Variants in RXRA observed in about 807,000 individuals in gnomAD.
RXRA encodes the protein retinoic acid receptor RXR-alpha.
Under a neutral mutation model 44.5 loss-of-function variants are expected in RXRA, and 5 were observed. That is an observed-to-expected ratio of 0.11 (90% CI 0.06 to 0.24). The LOEUF (loss-of-function observed/expected upper bound fraction) is 0.24. Ranked by LOEUF, RXRA falls within the 10% of genes least tolerant of loss-of-function variation. The pLI, the probability that RXRA is intolerant of heterozygous loss-of-function variation, is 1.00. For missense variants in RXRA, 412 were observed against 646.5 expected (o/e 0.64, Z 3.93); for synonymous variants, 291 against 271.4 (o/e 1.07, Z -0.71).
At chr9:134,396,551 A>G (rs1047785603) in intron 1 of RXRA, among the ~76,000 whole-genome samples, 2 of 151,938 alleles carry the variant, frequency 1.3e-5, no homozygotes, top group African/African-American at 4.8e-5. Context: ...GGTTGCAGGG[A>G]CGTTGCAGGG....
At position 134,417,340 on chromosome 9, in the gene RXRA, C is replaced by T. The variant is rs913657448; in HGVS notation, c.780+13C>T. 3 of 1,612,368 alleles carry T rather than the reference C, an allele frequency of 1.9e-6. No individual in the cohort carries two copies. The highest frequency in any genetic ancestry group is 2.5e-6 in the Non-Finnish European group (3 of 1,179,206). On this transcript the variant is annotated intron_variant, in intron 5 of 9. Transcript: ENST00000481739. The surrounding 1 kb of genome is among the most constrained non-coding windows in gnomAD (Gnocchi z 6.1). ...GAACCCCAGCTCGGTGAGTTGCAGCCTGTGCAGGGGTGGGCAGCCTCACAT... is the reference window on the plus strand; with the variant it reads ...GAACCCCAGCTCGGTGAGTTGCAGCTTGTGCAGGGGTGGGCAGCCTCACAT...
In RXRA at chr9:134,437,860, G is replaced by A. The variant is rs974784864; in HGVS notation, c.*1246G>A. On this transcript the variant is annotated 3_prime_UTR_variant, in exon 10 of 10. Coordinates refer to ENST00000481739, the MANE Select transcript of RXRA (RefSeq NM_002957.6). The stretch of plus-strand genomic sequence containing the variant: ...GACCACCCAGCCTGGTATTGTCCAC[G>A]GACAGCGTTGTTCACCCAGAGCCTT... The A allele has an allele frequency of 2.0e-5, 3 of 152,206 alleles. No individual in the cohort carries two copies. Among genetic ancestry groups the A allele is most frequent in the Non-Finnish European group, 2.9e-5 (2 of 68,074 alleles). The allele number at this position is 152,206 out of a possible 1,614,324, so 9.4% of individuals were successfully genotyped here.
rs1164237160 is a variant in RXRA, at chr9:134,342,729, G to A, written c.28+16070G>A. 1.3e-5 allele frequency among the ~76,000 whole-genome samples: 2 copies of A among 152,130 alleles called. No homozygotes were observed. The highest frequency in any genetic ancestry group is 2.9e-5 in the Non-Finnish European group (2 of 68,000). On this transcript the variant is annotated intron_variant, in intron 1 of 9. Coordinates refer to ENST00000481739, the MANE Select transcript of RXRA (RefSeq NM_002957.6). This position sits in a 1 kb window ranked among gnomAD's most constrained non-coding sequence, Gnocchi z 4.4. ...TGGTGTGGGCCGCCCTGACCTGGTG[G>A]GTTTGGGGGAACCTGGCCCCATAGG...
intron 1 of RXRA, among the ~76,000 whole-genome samples, chr9:134,333,793 T>TG (rs1835044988): frequency 6.6e-6 from 1 of 152,140 alleles, no homozygotes; most frequent in Non-Finnish European, 1.5e-5. Context: ...CTGGAGTCGC[T>TG]GGGGTGGGCT....
At chr9:134,413,711 C>T (rs907247888) in intron 4 of RXRA, among the ~76,000 whole-genome samples, 6 of 152,210 alleles carry the variant, frequency 3.9e-5, no homozygotes, top group Admixed American at 3.9e-4. Context: ...TGCCCTTCCC[C>T]AGACCCCCTC....
At chr9:134,413,075 G>T (rs982846297) in intron 4 of RXRA, among the ~76,000 whole-genome samples, 1 of 152,078 alleles carries the variant, frequency 6.6e-6, no homozygotes, top group Non-Finnish European at 1.5e-5. Context: ...GCCCCGGCTG[G>T]GCTCGAGTGT....
rs72619346 is a variant in RXRA, at chr9:134,376,862, G to A, written c.29-24770G>A. 9.9e-3 allele frequency among the ~76,000 whole-genome samples: 1,513 copies of A among 152,356 alleles called. 44 individuals carry two copies. In the South Asian group the frequency reaches 0.1, roughly 11 times the overall value. ...TCAGGAGGGAGGGAAGGGGCATGGT[G>A]AGGGCACCTTGGGCGTCGAGTCTCT... is the stretch of plus-strand genomic sequence containing the variant. On this transcript the variant is annotated intron_variant, in intron 1 of 9. Transcript: ENST00000481739.
At position 134,366,795 on chromosome 9, in the gene RXRA, A is replaced by G. The variant is rs1194949408; in HGVS notation, c.29-34837A>G. On this transcript the variant is annotated intron_variant, in intron 1 of 9. Transcript: ENST00000481739. This position sits in a 1 kb window ranked among gnomAD's most constrained non-coding sequence, Gnocchi z 5.9. ...CCCCATGTTTCACGTAGGCCACCCT[A>G]AGGTCCACAGATGCCTGGGGACAAG... Among the ~76,000 whole-genome samples the G allele has an allele frequency of 1.3e-5, 2 of 152,194 alleles. No homozygotes were observed. The highest frequency in any genetic ancestry group is 4.8e-5 in the African/African-American group (2 of 41,452).
chr9:134,360,678 G>A (rs1041602295), intron 1 of RXRA, among the ~76,000 whole-genome samples: 1 of 152,248 alleles, frequency 6.6e-6, no homozygotes, highest in African/African-American at 2.4e-5. Context: ...TGGCCACAGG[G>A]CCTTCGTGTA....
At chr9:134,374,658 G>C (rs1012043111) in intron 1 of RXRA, among the ~76,000 whole-genome samples, 1 of 152,248 alleles carries the variant, frequency 6.6e-6, no homozygotes, top group African/African-American at 2.4e-5. Context: ...GCCAGCGGCT[G>C]CCTGGGGAGG....
chr9:134,358,238 G>A (rs1327013061), intron 1 of RXRA, among the ~76,000 whole-genome samples: 1 of 152,248 alleles, frequency 6.6e-6, no homozygotes, highest in East Asian at 1.9e-4. Flanking sequence ...TTGCTGGAGG[G>A]CTCTGGCTCA....
intron 1 of RXRA, among the ~76,000 whole-genome samples, chr9:134,374,491 C>T (rs1728051739): frequency 6.6e-6 from 1 of 152,218 alleles, no homozygotes; most frequent in African/African-American, 2.4e-5. Flanking sequence ...GATCCTGGCT[C>T]TCGGCCCAGG....
chr9:134,383,556 C>T (rs754617358), intron 1 of RXRA, among the ~76,000 whole-genome samples: 7 of 152,148 alleles, frequency 4.6e-5, no homozygotes, highest in Non-Finnish European at 1.0e-4. Context: ...AAATGAAGCG[C>T]ATTGATGGGG....
chr9:134,394,528 A>C (rs1345991452), intron 1 of RXRA, among the ~76,000 whole-genome samples: 5 of 152,054 alleles, frequency 3.3e-5, no homozygotes, highest in African/African-American at 1.2e-4. Context: ...CCTCATTCTC[A>C]TGCCCTGGCA....
Position 134,426,907 on chromosome 9 carries a change from G to A in RXRA, c.911-2201G>A, listed in dbSNP as rs1831443085. Reference sequence around the variant, plus strand: ...ACACTGGGCCTGGTGTGGGAAGGGAGGGAGAGCCCTTTCCTAGGAGAGCAT... The same window carrying A: ...ACACTGGGCCTGGTGTGGGAAGGGAAGGAGAGCCCTTTCCTAGGAGAGCAT... On this transcript the variant is annotated intron_variant, in intron 6 of 9. Transcript: ENST00000481739. This position sits in a 1 kb window ranked among gnomAD's most constrained non-coding sequence, Gnocchi z 4.6. The A allele has an allele frequency of 1.0e-6, 1 of 985,276 alleles. No homozygotes were observed. Among genetic ancestry groups the A allele is most frequent in the African/African-American group, 1.7e-5 (1 of 57,218 alleles). The allele number at this position is 985,276 out of a possible 1,614,324, so 61.0% of individuals were successfully genotyped here.
rs1830962973 is a variant in RXRA at position 134,401,719 on chromosome 9, C to T, written c.116C>T (p.Pro39Leu). The T allele has an allele frequency of 5.0e-6, 8 of 1,613,204 alleles. No individual in the cohort carries two copies. The highest frequency in any genetic ancestry group is 6.8e-6 in the Non-Finnish European group (8 of 1,180,002). ...AAPSLHPSLG[P>L]GIGSPGQLHS... is the part of the protein sequence containing the mutation. ...CCCTCGCTGCACCCGTCCCTGGGGCCTGGCATCGGCTCCCCGGGACAGCTG... is the reference window on the plus strand; with the variant it reads ...CCCTCGCTGCACCCGTCCCTGGGGCTTGGCATCGGCTCCCCGGGACAGCTG... The change falls in exon 2 of 10, where the codon CCT (proline) becomes CTT (leucine). Residue 39 changes from proline (P) to leucine (L), a missense_variant. By Grantham distance (98) the Pro-to-Leu change is moderately conservative. This residue lies in a region of RXRA where 156 missense variants were observed against 177.2 expected (regional missense o/e 0.88). Coordinates refer to ENST00000481739, the MANE Select transcript of RXRA (RefSeq NM_002957.6).
At position 134,365,248 on chromosome 9, in the gene RXRA, A is replaced by G. The variant is rs1304681990; in HGVS notation, c.29-36384A>G. ...GCCCCTGTCTTACGGATGAGGAGAT[A>G]GAGGTTGAGGATCACAGCCCCAGCC... On this transcript the variant is annotated intron_variant, in intron 1 of 9. Transcript: ENST00000481739. The surrounding 1 kb of genome is among the most constrained non-coding windows in gnomAD (Gnocchi z 4.0). Among the ~76,000 whole-genome samples, 1 of 152,176 alleles carries G rather than the reference A, an allele frequency of 6.6e-6. No individual in the cohort carries two copies.
rs940522028 is a variant in RXRA at position 134,426,244 on chromosome 9, G to A, written c.911-2864G>A. The A allele has an allele frequency of 3.2e-5, 32 of 985,316 alleles. No homozygotes were observed. Among genetic ancestry groups the A allele is most frequent in the African/African-American group, 1.0e-4 (6 of 57,248 alleles). The allele number at this position is 985,316 out of a possible 1,614,324, so 61.0% of individuals were successfully genotyped here. ...CTGAAAGGCCAGCGCACCCTGAGCC[G>A]TTTAAAGCTGTGTCCGTGCCGGGCC... On this transcript the variant is annotated intron_variant, in intron 6 of 9. Transcript: ENST00000481739. This position sits in a 1 kb window ranked among gnomAD's most constrained non-coding sequence, Gnocchi z 4.6.
At position 134,433,469 on chromosome 9, in the gene RXRA, A is replaced by C. The variant is rs1008218002; in HGVS notation, c.1136-633A>C. Among the ~76,000 whole-genome samples the C allele has an allele frequency of 6.1e-5, 9 of 147,556 alleles. No homozygotes were observed. The South Asian group carries it at 1.9e-3, about 31-fold the overall frequency. ...GCTGGGGGAGCCAGGTACGTTGCCA[A>C]GGAGCCCAGGACACAGGCCAAGGTG... is the stretch of plus-strand genomic sequence containing the variant. On this transcript the variant is annotated intron_variant, in intron 8 of 9. Transcript: ENST00000481739. The surrounding 1 kb of genome is among the most constrained non-coding windows in gnomAD (Gnocchi z 4.2).
Sources: gnomAD v4.1 joint callset for allele counts (sites outside exome capture counted in the v4.1 genomes callset) on GRCh38, gnomAD v4.1.1 for gene constraint, gnomAD v4.1.1 regional missense constraint, Gnocchi (gnomAD v3.1) non-coding constraint, MANE v1.5 for transcripts, NCBI Gene and HGNC (gene_info 2026-07-23, HGNC 2026-07-21) for gene names.